PKHD1: variants seen among roughly 807,000 people sequenced by gnomAD.
The protein encoded by PKHD1 is PKHD1 ciliary IPT domain containing fibrocystin/polyductin.
A neutral mutation model predicts 412.0 loss-of-function variants in PKHD1; 291 were observed. That is an observed-to-expected ratio of 0.71 (90% CI 0.64 to 0.78). PKHD1 has a LOEUF of 0.78. PKHD1 is among the 30% of genes least tolerant of loss of function. The pLI is 0.00. For synonymous variants in PKHD1, 1,777 were observed against 1,821.5 expected, an observed-to-expected ratio of 0.98 and a Z score of 0.62; for missense variants, 4,825 against 4,950.7, an observed-to-expected ratio of 0.97 and a Z score of 0.76.
Position 51,977,884 on chromosome 6 carries a change from G to C in PKHD1, c.5752-17858C>G, listed in dbSNP as rs936356561. ...ACCTCTGGAGAGACAGGCAAATGTA[G>C]ATCCCACCAAAGGGAACAAGCTGAT... On this transcript the variant is annotated intron_variant, in intron 35 of 66. Transcript: ENST00000371117. Among the ~76,000 whole-genome samples the C allele has an allele frequency of 2.0e-5, 3 of 152,188 alleles. No homozygotes were observed. In the South Asian group the frequency reaches 6.2e-4, roughly 32 times the overall value.
rs1056611735 is a variant in PKHD1 at position 51,744,744 on chromosome 6, A to G, written c.9999-202T>C. On this transcript the variant is annotated intron_variant, in intron 59 of 66. Transcript: ENST00000371117. ...GTCAAGAAGAAAGACATTCTTACTA[A>G]CCAAATATTTTGGATATCCTAATAT... Among the ~76,000 whole-genome samples the G allele has an allele frequency of 2.0e-5, 3 of 152,144 alleles. No individual in the cohort carries two copies. The East Asian group carries it at 5.8e-4, about 29-fold the overall frequency.
At chr6:52,042,043 T>A (rs1430452470) in intron 27 of PKHD1, among the ~76,000 whole-genome samples, 2 of 152,194 alleles carry the variant, frequency 1.3e-5, no homozygotes, top group East Asian at 3.8e-4. Flanking sequence ...AAACCAATAA[T>A]TACTGGGTTA....
At chr6:51,638,816 A>AAAC in intron 64 of PKHD1, 33 bp downstream of exon 64, 1 of 1,321,680 alleles carries the variant, frequency 7.6e-7, no homozygotes. Context: ...AAAAAAAAAA[A>AAAC]ACACAGAATA....
intron 5 of PKHD1, among the ~76,000 whole-genome samples, chr6:52,078,351 GGTCAGTA>G (rs1280687098): frequency 2.0e-5 from 3 of 152,128 alleles, no homozygotes; most frequent in African/African-American, 7.2e-5. Flanking sequence ...GCCCCAGTGT[GGTCAGTA>G]GAAGCAAAAG....
At chr6:51,903,353 C>T (rs561520474) in intron 43 of PKHD1, among the ~76,000 whole-genome samples, 1 of 152,292 alleles carries the variant, frequency 6.6e-6, no homozygotes, top group South Asian at 2.1e-4. Context: ...CCCAAGATGG[C>T]TTTGAATGTG....
At chr6:51,652,965 A>C (rs1165507433) in intron 61 of PKHD1, among the ~76,000 whole-genome samples, 2 of 152,152 alleles carry the variant, frequency 1.3e-5, no homozygotes, top group African/African-American at 4.8e-5. Context: ...ATTTTGGACA[A>C]TTTTGTACTC....
At position 51,747,780 on chromosome 6, in the gene PKHD1, A is replaced by G. The variant is rs370995444; in HGVS notation, c.9829+7T>C. The G allele has an allele frequency of 2.5e-6, 4 of 1,611,706 alleles. No individual in the cohort carries two copies. The African/African-American group carries it at 5.3e-5, about 22-fold the overall frequency. On this transcript the variant is annotated splice_region_variant and intron_variant, in intron 58 of 66. Coordinates refer to ENST00000371117, the MANE Select transcript of PKHD1 (RefSeq NM_138694.4). ...TGGCACTGCCTAGATAAAATAAAAC[A>G]TCCTACCTTGAAGTTTCATGATTCC...
At chr6:51,955,645 G>C (rs1364544566) in intron 36 of PKHD1, among the ~76,000 whole-genome samples, 1 of 151,990 alleles carries the variant, frequency 6.6e-6, no homozygotes, top group African/African-American at 2.4e-5. Context: ...CCTTCATAAA[G>C]TATTTCCAAA....
intron 61 of PKHD1, among the ~76,000 whole-genome samples, chr6:51,651,769 T>C (rs1018885539): frequency 2.0e-5 from 3 of 152,094 alleles, no homozygotes; most frequent in South Asian, 4.1e-4. Context: ...TGATTCAAGT[T>C]ACCAAGCAAT....
intron 60 of PKHD1, among the ~76,000 whole-genome samples, chr6:51,744,174 T>A (rs1784909898): frequency 6.6e-6 from 1 of 151,674 alleles, no homozygotes; most frequent in East Asian, 2.0e-4. Flanking sequence ...ACACAGGCAA[T>A]CTCATAGAGG....
intron 51 of PKHD1, among the ~76,000 whole-genome samples, chr6:51,835,847 G>A (rs567029800): frequency 9.2e-5 from 14 of 152,298 alleles, no homozygotes; most frequent in African/African-American, 2.6e-4. Flanking sequence ...AAATCTCTGC[G>A]TTTGAAAAGA....
chr6:51,775,816 C>G lies in PKHD1; in HGVS notation c.8546G>C (p.Gly2849Ala), dbSNP rs1790926911. 1 of 1,447,030 alleles carries G rather than the reference C, an allele frequency of 6.9e-7. No individual in the cohort carries two copies. The highest frequency in any genetic ancestry group is 1.4e-5 in the African/African-American group (1 of 71,532). The allele number at this position is 1,447,030 out of a possible 1,614,324, so 89.6% of individuals were successfully genotyped here. Residue 2849 changes from glycine (G) to alanine (A), a missense_variant, in exon 54 of 67, where the codon GGA becomes GCA. By Grantham distance (60) the Gly-to-Ala change is moderately conservative (BLOSUM62 0). Coordinates refer to ENST00000371117, the MANE Select transcript of PKHD1 (RefSeq NM_138694.4). ...DRMNGIHIDP[G>A]TIGVYGKVHL... ...CTATATTATACTCTTACCAATTGTT[C>G]CTGGGTCAATATGAATTCCATTCAT...
intron 50 of PKHD1, among the ~76,000 whole-genome samples, chr6:51,841,655 G>C (rs1292326102): frequency 6.6e-6 from 1 of 152,202 alleles, no homozygotes; most frequent in East Asian, 1.9e-4. Flanking sequence ...GATTGCCTTA[G>C]AGGGGCTCAG....
At chr6:51,621,495 T>C (rs961303361) in intron 66 of PKHD1, among the ~76,000 whole-genome samples, 1 of 152,226 alleles carries the variant, frequency 6.6e-6, no homozygotes, top group African/African-American at 2.4e-5. Flanking sequence ...TTGAAGATAC[T>C]GTTATCTTGT....
chr6:51,758,135 T>C (rs979058188), intron 55 of PKHD1, among the ~76,000 whole-genome samples: 11 of 152,264 alleles, frequency 7.2e-5, no homozygotes, highest in Admixed American at 5.9e-4. Context: ...AATTATTAGT[T>C]CAAACTTTAT....
At chr6:51,684,421 AAAGT>A (rs1202488148) in intron 60 of PKHD1, among the ~76,000 whole-genome samples, 5 of 152,144 alleles carry the variant, frequency 3.3e-5, no homozygotes, top group African/African-American at 1.2e-4. Flanking sequence ...GAAAATTTAA[AAAGT>A]AAGTACATAC....
At position 51,880,779 on chromosome 6, in the gene PKHD1, T is replaced by TAAAAAA. The variant is rs71544105; in HGVS notation, c.7350+2308_7350+2313dup. Among the ~76,000 whole-genome samples the TAAAAAA allele has an allele frequency of 6.3e-4, 19 of 30,040 alleles. 1 individual carries two copies. The highest frequency in any genetic ancestry group is 2.8e-3 in the African/African-American group (14 of 4,926). 19.7% of individuals were successfully genotyped at this position (30,040 alleles called of 152,430 possible). A position where few individuals can be genotyped will look rare whatever the true frequency, so the allele number is the denominator to read the frequency against. ...CTTAGAGTATAATAAAAAAAAAAAT[T>TAAAAAA]AAAAAAAAAAAAAAAAAAAAAAAAA... is the stretch of plus-strand genomic sequence containing the variant. On this transcript the variant is annotated intron_variant, in intron 46 of 66. Transcript: ENST00000371117.
At chr6:52,049,298 T>G (rs1317134642) in intron 22 of PKHD1, among the ~76,000 whole-genome samples, 1 of 152,234 alleles carries the variant, frequency 6.6e-6, no homozygotes, top group Non-Finnish European at 1.5e-5. Context: ...TGCTACATAT[T>G]TGTGTATCCA....
At chr6:51,829,053 G>C (rs1247585498) in intron 52 of PKHD1, among the ~76,000 whole-genome samples, 4 of 152,010 alleles carry the variant, frequency 2.6e-5, no homozygotes, top group Non-Finnish European at 2.9e-5. Context: ...TAGAAATAAT[G>C]AAAAATAACT....
Sources: gnomAD v4.1 joint callset for allele counts (sites outside exome capture counted in the v4.1 genomes callset) on GRCh38, gnomAD v4.1.1 for gene constraint, MANE v1.5 for transcripts, NCBI Gene and HGNC (gene_info 2026-07-23, HGNC 2026-07-21) for gene names.